Variants in RNF17 observed in about 807,000 individuals in gnomAD.
The protein encoded by RNF17 is spermatogenesis associated 23.
Under a neutral mutation model 200.5 loss-of-function variants are expected in RNF17, and 31 were observed. The observed-to-expected ratio is 0.15, with a 90% CI of 0.12 to 0.21. The LOEUF (loss-of-function observed/expected upper bound fraction) is 0.21. Among genes scored for constraint, RNF17 ranks in the 10% least tolerant of loss-of-function variants. The pLI, the probability that RNF17 is intolerant of heterozygous loss-of-function variation, is 1.00. For synonymous variants in RNF17, 606 were observed against 637.8 expected (o/e 0.95, Z 0.75); for missense variants, 1,628 against 1,905.1 (o/e 0.85, Z 2.71).
intron 24 of RNF17, 96 bp from the exon 25 acceptor site, chr13:24,853,759 C>A: frequency 1.1e-6 from 1 of 878,892 alleles, no homozygotes; most frequent in Non-Finnish European, 1.6e-6. Context: ...TATTTTCTTT[C>A]AATTTCATGT....
chr13:24,809,590 A>T (rs1366638925), intron 15 of RNF17, among the ~76,000 whole-genome samples: 2 of 151,938 alleles, frequency 1.3e-5, no homozygotes, highest in African/African-American at 2.4e-5. Context: ...TCAAAAAACC[A>T]GCTCCTGGAT....
At position 24,844,722 on chromosome 13, in the gene RNF17, C is replaced by T; in HGVS notation, c.2902C>T (p.His968Tyr). The change falls in exon 21 of 36, where the codon CAC becomes TAC. Residue 968 changes from histidine to tyrosine, a missense_variant. Transcript: ENST00000255324. ...ACCTGTTAAATGGGAAAATGATATG[C>T]ACTGTGCTGTTAAGATCCAAGATAA... ...WEPVKWENDM[H>Y]CAVKIQDKNQ... 6.2e-7 allele frequency: 1 copy of T among 1,612,392 alleles called. No homozygotes were observed. The highest frequency in any genetic ancestry group is 8.5e-7 in the Non-Finnish European group (1 of 1,178,468).
intron 30 of RNF17, among the ~76,000 whole-genome samples, chr13:24,867,789 T>A (rs1419285485): frequency 6.6e-6 from 1 of 152,258 alleles, no homozygotes; most frequent in East Asian, 1.9e-4. Flanking sequence ...GTAACTGTAG[T>A]ATTCCTTTGC....
chr13:24,757,959 G>T, the RNF17 span, among the ~76,000 whole-genome samples: 1 of 152,100 alleles, frequency 6.6e-6, no homozygotes, highest in Non-Finnish European at 1.5e-5. Flanking sequence ...GAATGGTTTA[G>T]CACCGCCTCT....
the RNF17 span, chr13:24,886,128 A>G: frequency 2.4e-6 from 1 of 413,420 alleles, no homozygotes; most frequent in Non-Finnish European, 4.8e-6. Flanking sequence ...TACAAAATAA[A>G]CACGCCCCCA....
chr13:24,815,676 G>A (rs935663375), intron 15 of RNF17, among the ~76,000 whole-genome samples: 4 of 152,054 alleles, frequency 2.6e-5, no homozygotes, highest in African/African-American at 9.7e-5. Context: ...GTTTGTCTTT[G>A]ACCATTGAGT....
In RNF17 at chr13:24,812,056, A is replaced by G. The variant is rs377554453; in HGVS notation, c.2091+7627A>G. Reference sequence around the variant, plus strand: ...ACTGCTCTCTTCAAAGCTGTCAGACAGGGACGTTTAAGTCTGCAGAGGTTA... The same window carrying G: ...ACTGCTCTCTTCAAAGCTGTCAGACGGGGACGTTTAAGTCTGCAGAGGTTA... On this transcript the variant is annotated intron_variant, in intron 15 of 35. Transcript: ENST00000255324. Among the ~76,000 whole-genome samples, 799 of 151,680 alleles carry G rather than the reference A, an allele frequency of 5.3e-3. 22 individuals carry two copies. In the East Asian group the frequency reaches 0.081, roughly 15 times the overall value.
In RNF17 at chr13:24,764,203, G is replaced by A; in HGVS notation, c.-1G>A. 6.3e-7 allele frequency: 1 copy of A among 1,584,922 alleles called. No homozygotes were observed. On this transcript the variant is annotated 5_prime_UTR_variant, in exon 1 of 36. Coordinates refer to ENST00000255324, the MANE Select transcript of RNF17 (RefSeq NM_031277.3). ...GGTTGTTCCAGAAGAAAGAGACAGCGATGGCGGCAGAGGCTTCGAAGACTG... is the reference window on the plus strand; with the variant it reads ...GGTTGTTCCAGAAGAAAGAGACAGCAATGGCGGCAGAGGCTTCGAAGACTG...
intron 13 of RNF17, among the ~76,000 whole-genome samples, chr13:24,800,952 A>G (rs1441811397): frequency 6.6e-6 from 1 of 152,206 alleles, no homozygotes; most frequent in Non-Finnish European, 1.5e-5. Context: ...GTAAACTCTT[A>G]AGAGACAGAA....
At chr13:24,852,880 T>C (rs567401831) in intron 24 of RNF17, among the ~76,000 whole-genome samples, 79 of 152,188 alleles carry the variant, frequency 5.2e-4, no homozygotes, top group Admixed American at 1.5e-3. Context: ...TGAGGAATTA[T>C]GTGGCTTTTT....
Position 24,843,764 on chromosome 13 carries a change from C to A in RNF17, c.2624C>A (p.Ser875Tyr). The change falls in exon 20 of 36, where the codon TCT becomes TAT. Residue 875 changes from serine (S) to tyrosine (Y), a missense_variant. Around this residue, in one of 5 missense-constraint regions of RNF17, gnomAD observed 227 missense variants for 319.8 expected, o/e 0.71. Transcript: ENST00000255324. ...TTCAGATACATCCTCAAAGATAATT[C>A]TCAAAAGCATATTGAAGTTTGGGAT... ...YEIGYILKDN[S>Y]QKHIEVWDPS... is the part of the protein sequence containing the mutation. 1 of 1,593,654 alleles carries A rather than the reference C, an allele frequency of 6.3e-7. No individual in the cohort carries two copies. Among genetic ancestry groups the A allele is most frequent in the Non-Finnish European group, 8.6e-7 (1 of 1,165,502 alleles).
chr13:24,879,948 T>C (rs1474082308), downstream of RNF17: 1 of 152,250 alleles, frequency 6.6e-6, no homozygotes, highest in Non-Finnish European at 1.5e-5. Flanking sequence ...TTTACCACAA[T>C]TTCAAAATGA....
At chr13:24,838,272 T>A (rs180978727) in intron 18 of RNF17, among the ~76,000 whole-genome samples, 10 of 152,242 alleles carry the variant, frequency 6.6e-5, no homozygotes, top group African/African-American at 2.2e-4. Context: ...GAATTGGTAC[T>A]AATCCTTTTG....
chr13:24,788,372 T>A (rs1041977640), intron 7 of RNF17, among the ~76,000 whole-genome samples: 7 of 152,138 alleles, frequency 4.6e-5, no homozygotes, highest in African/African-American at 1.7e-4. Flanking sequence ...TTATATGACC[T>A]TTTGTTTTTT....
intron 25 of RNF17, among the ~76,000 whole-genome samples, chr13:24,857,508 T>C (rs1240450898): frequency 4.6e-5 from 7 of 152,206 alleles, no homozygotes; most frequent in Non-Finnish European, 7.4e-5. Context: ...TGTGTCTCCC[T>C]TATTTTCCTC....
the RNF17 span, among the ~76,000 whole-genome samples, chr13:24,757,985 G>T: frequency 6.6e-6 from 1 of 152,162 alleles, no homozygotes; most frequent in Non-Finnish European, 1.5e-5. Context: ...GCTGTCTCCT[G>T]ATAGTGTTCT....
chr13:24,808,581 C>T (rs1471089754), intron 15 of RNF17, among the ~76,000 whole-genome samples: 3 of 118,228 alleles, frequency 2.5e-5, no homozygotes, highest in African/African-American at 1.0e-4. Flanking sequence ...ACAATCATGT[C>T]GTCTGCAAAC....
chr13:24,888,543 T>C, the RNF17 span, among the ~76,000 whole-genome samples: 1 of 152,122 alleles, frequency 6.6e-6, no homozygotes, highest in African/African-American at 2.4e-5. Flanking sequence ...CCAGATCAAG[T>C]GTTTGCAAGT....
At chr13:24,772,413 G>GGT (rs1456441390) in intron 2 of RNF17, among the ~76,000 whole-genome samples, 3 of 143,228 alleles carry the variant, frequency 2.1e-5, no homozygotes, top group Admixed American at 1.4e-4. Flanking sequence ...CCAGGAACCT[G>GGT]GTTTGAGTCT....
Sources: gnomAD v4.1 joint callset for allele counts (sites outside exome capture counted in the v4.1 genomes callset) on GRCh38, gnomAD v4.1.1 for gene constraint, gnomAD v4.1.1 regional missense constraint, MANE v1.5 for transcripts, NCBI Gene and HGNC (gene_info 2026-07-23, HGNC 2026-07-21) for gene names.